Variants in JMJD1C observed in about 807,000 individuals in gnomAD.
The protein encoded by JMJD1C is jumonji domain containing 1C, also known as jumonji domain-containing protein 1C.
Under a neutral mutation model 245.3 loss-of-function variants are expected in JMJD1C, and 31 were observed. That is an observed-to-expected ratio of 0.13 (90% CI 0.09 to 0.17). The LOEUF is 0.17. Ranked by LOEUF, JMJD1C falls within the 10% of genes least tolerant of loss-of-function variation. The probability of loss-of-function intolerance (pLI) is 1.00; values close to 1 mark genes in which losing one functional copy is unlikely to be tolerated. For synonymous variants in JMJD1C, 1,057 were observed against 1,017.4 expected (o/e 1.04, Z -0.74); for missense variants, 2,691 against 3,000.2 (o/e 0.90, Z 2.41).
chr10:63,484,390 T>C (rs1393167572), intron 1 of JMJD1C, among the ~76,000 whole-genome samples: 1 of 152,234 alleles, frequency 6.6e-6, no homozygotes, highest in African/African-American at 2.4e-5. Context: ...ATCATACTGC[T>C]TTCCTCATTG....
In JMJD1C at chr10:63,436,311, G is replaced by C. The variant is rs549367581; in HGVS notation, c.168+29184C>G. On this transcript the variant is annotated intron_variant, in intron 1 of 25. Transcript: ENST00000399262. The stretch of plus-strand genomic sequence containing the variant: ...TCAATTACCTTATGTTAATGTAACA[G>C]TTTCAAAGGTGCCACAGTGAAGTAA... Among the ~76,000 whole-genome samples the C allele has an allele frequency of 5.9e-5, 9 of 152,298 alleles. No individual in the cohort carries two copies. In the East Asian group the frequency reaches 1.5e-3, roughly 26 times the overall value.
intron 2 of JMJD1C, among the ~76,000 whole-genome samples, chr10:63,330,025 C>T (rs536397221): frequency 1.2e-4 from 18 of 152,170 alleles, no homozygotes; most frequent in African/African-American, 1.9e-4. Context: ...CTCAGCCTCC[C>T]GAGTAGCTGG....
intron 1 of JMJD1C, among the ~76,000 whole-genome samples, chr10:63,510,710 T>C (rs1341198272): frequency 1.3e-5 from 2 of 152,344 alleles, no homozygotes; most frequent in East Asian, 1.9e-4. Context: ...ACCCAGTTGA[T>C]TGATACTGCT....
chr10:63,300,062 C>G (rs1448272091), intron 2 of JMJD1C, among the ~76,000 whole-genome samples: 1 of 149,662 alleles, frequency 6.7e-6, no homozygotes, highest in African/African-American at 2.6e-5. Context: ...TCTAGAAAAA[C>G]AGCTAAGTAT....
chr10:63,504,623 G>A (rs997559473), intron 1 of JMJD1C, among the ~76,000 whole-genome samples: 5 of 152,126 alleles, frequency 3.3e-5, no homozygotes, highest in African/African-American at 1.2e-4. Flanking sequence ...AAGGCTTTGT[G>A]GGCAAACATG....
chr10:63,471,433 G>A (rs941214489), intron 1 of JMJD1C, among the ~76,000 whole-genome samples: 2 of 152,100 alleles, frequency 1.3e-5, no homozygotes, highest in Non-Finnish European at 2.9e-5. Flanking sequence ...AAGAACACAC[G>A]TAATTCAGCA....
chr10:63,423,178 T>C (rs1013665868), intron 1 of JMJD1C, among the ~76,000 whole-genome samples: 1 of 152,180 alleles, frequency 6.6e-6, no homozygotes, highest in African/African-American at 2.4e-5. Flanking sequence ...TTAGCCAGGC[T>C]GTTCTTAAAC....
chr10:63,207,631 T>C lies in JMJD1C; in HGVS notation c.4038A>G (p.Ala1346=), dbSNP rs765585678. The change falls in exon 10 of 26, where the codon GCA becomes GCG. Residue 1346 remains alanine, a synonymous_variant. Coordinates refer to ENST00000399262, the MANE Select transcript of JMJD1C (RefSeq NM_032776.3). The part of the protein sequence containing the change: ...GAHKTDCLKL[A]EAGETGRIIL... ...TGATTCTTCCAGTTTCTCCGGCTTC[T>C]GCTAGTTTGAGGCAATCTGTTTTAT... 8.4e-5 allele frequency: 135 copies of C among 1,614,078 alleles called. No homozygotes were observed. Among genetic ancestry groups the C allele is most frequent in the Non-Finnish European group, 1.1e-4 (127 of 1,180,042 alleles).
intron 1 of JMJD1C, among the ~76,000 whole-genome samples, chr10:63,444,879 G>T (rs1238171748): frequency 6.6e-6 from 1 of 152,078 alleles, no homozygotes; most frequent in Non-Finnish European, 1.5e-5. Flanking sequence ...TCCATTTAAT[G>T]GAGCAATTTA....
At chr10:63,385,416 CTTTTTTTT>C (rs35450282) in intron 1 of JMJD1C, among the ~76,000 whole-genome samples, 26 of 53,786 alleles carry the variant, frequency 4.8e-4, no homozygotes, top group African/African-American at 7.5e-4. Flanking sequence ...CTGCCCCCGC[CTTTTTTTT>C]TTTTTTTTTT....
intron 1 of JMJD1C, among the ~76,000 whole-genome samples, chr10:63,450,046 C>T (rs527273107): frequency 4.6e-5 from 7 of 151,962 alleles, no homozygotes; most frequent in East Asian, 3.9e-4. Context: ...CCAGGAGGTC[C>T]GGGCTACAAT....
At chr10:63,290,915 A>G (rs1388863692) in intron 2 of JMJD1C, among the ~76,000 whole-genome samples, 1 of 152,226 alleles carries the variant, frequency 6.6e-6, no homozygotes, top group Non-Finnish European at 1.5e-5. Context: ...GAGAAAAAAT[A>G]TTAAGTATAT....
At chr10:63,192,526 C>A (rs1380707939) in intron 16 of JMJD1C, among the ~76,000 whole-genome samples, 1 of 152,166 alleles carries the variant, frequency 6.6e-6, no homozygotes, top group Non-Finnish European at 1.5e-5. Context: ...CAAGATCGTG[C>A]CATTGCACTC....
In JMJD1C at chr10:63,360,817, C is replaced by T. The variant is rs577034153; in HGVS notation, c.333+19501G>A. ...TTTTTATTTTTGAGACAGAGTCTCA[C>T]TCTGTCACCTAGGCTAGAGCACAGT... On this transcript the variant is annotated intron_variant, in intron 2 of 25. Coordinates refer to ENST00000399262, the MANE Select transcript of JMJD1C (RefSeq NM_032776.3). Among the ~76,000 whole-genome samples, 15 of 152,052 alleles carry T rather than the reference C, an allele frequency of 9.9e-5. No homozygotes were observed. In the South Asian group the frequency reaches 3.1e-3, roughly 32 times the overall value.
rs375059867 is a variant in JMJD1C at position 63,214,874 on chromosome 10, C to T, written c.1293G>A (p.Gln431=). 17 of 1,613,810 alleles carry T rather than the reference C, an allele frequency of 1.1e-5. No individual in the cohort carries two copies. The highest frequency in any genetic ancestry group is 1.4e-5 in the Non-Finnish European group (16 of 1,179,970). The change falls in exon 8 of 26, where the codon CAG becomes CAA. Residue 431 remains glutamine, a synonymous_variant. Coordinates refer to ENST00000399262, the MANE Select transcript of JMJD1C (RefSeq NM_032776.3). The part of the protein sequence containing the change: ...KAGEETLKNS[Q]PPWDQIQEDK... ...CTTCCTGTATTTGATCCCAGGGAGG[C>T]TGGCTATTTTTTAGGGTCTCTTCTC...
intron 1 of JMJD1C, among the ~76,000 whole-genome samples, chr10:63,395,499 T>A (rs370365984): frequency 4.0e-4 from 61 of 152,002 alleles, no homozygotes; most frequent in African/African-American, 1.3e-3. Flanking sequence ...TGACTAAAAT[T>A]TTTAAAACTG....
rs1044250220 is a variant in JMJD1C, at chr10:63,244,819, G to T, written c.447+19832C>A. Among the ~76,000 whole-genome samples the T allele has an allele frequency of 3.3e-4, 48 of 146,160 alleles. No individual in the cohort carries two copies. In the East Asian group the frequency reaches 9.8e-3, roughly 30 times the overall value. ...AACACTCCTTCTCTTAAAAAAAAAG[G>T]GGGGGGGAGGGGGGAGAACAATTAA... On this transcript the variant is annotated intron_variant, in intron 3 of 25. Transcript: ENST00000399262.
At chr10:63,255,610 A>G (rs574653316) in intron 3 of JMJD1C, among the ~76,000 whole-genome samples, 1 of 152,186 alleles carries the variant, frequency 6.6e-6, no homozygotes, top group Non-Finnish European at 1.5e-5. Flanking sequence ...CAATACTCAC[A>G]CCCTTTTAAA....
chr10:63,340,972 CAGTT>C (rs1423441998), intron 2 of JMJD1C, among the ~76,000 whole-genome samples: 3 of 151,932 alleles, frequency 2.0e-5, no homozygotes, highest in Non-Finnish European at 2.9e-5. Flanking sequence ...AAACAAAAGA[CAGTT>C]AGTTACATGC....
Sources: gnomAD v4.1 joint callset for allele counts (sites outside exome capture counted in the v4.1 genomes callset) on GRCh38, gnomAD v4.1.1 for gene constraint, MANE v1.5 for transcripts, NCBI Gene and HGNC (gene_info 2026-07-23, HGNC 2026-07-21) for gene names.